The following COMMD1 variants were observed in gnomAD, a reference collection of about 807,000 sequenced individuals.
COMMD1 encodes copper metabolism domain containing 1.
Under a neutral mutation model 17.2 loss-of-function variants are expected in COMMD1, and 10 were observed. The ratio of observed to expected loss-of-function variants is 0.58; its 90% CI spans 0.36 to 0.99. COMMD1 has a LOEUF of 0.99. Among genes scored for constraint, COMMD1 ranks in the 50% least tolerant of loss-of-function variants. COMMD1 has a pLI of 0.01. For synonymous variants in COMMD1, 97 were observed against 91.6 expected, an observed-to-expected ratio of 1.06 and a Z score of -0.34; for missense variants, 270 against 231.8, an observed-to-expected ratio of 1.17 and a Z score of -1.07.
At chr2:62,026,674 A>T (rs759786850) in intron 2 of COMMD1, among the ~76,000 whole-genome samples, 5 of 152,192 alleles carry the variant, frequency 3.3e-5, no homozygotes, top group Non-Finnish European at 7.3e-5. Context: ...TGACATTGTC[A>T]CAAAAGGTAT....
At chr2:62,023,366 C>T (rs971423087) in intron 2 of COMMD1, among the ~76,000 whole-genome samples, 4 of 151,884 alleles carry the variant, frequency 2.6e-5, no homozygotes, top group African/African-American at 9.7e-5. Context: ...AACTTAAATC[C>T]AAAACAAAGA....
chr2:62,085,189 G>A (rs917504657), intron 2 of COMMD1, among the ~76,000 whole-genome samples: 2 of 151,476 alleles, frequency 1.3e-5, no homozygotes, highest in Non-Finnish European at 2.9e-5. Context: ...CACAGTTGCT[G>A]TTTTAGAACT....
chr2:61,897,315 G>A (rs1348819120), intron 1 of COMMD1, among the ~76,000 whole-genome samples: 1 of 152,104 alleles, frequency 6.6e-6, no homozygotes, highest in Non-Finnish European at 1.5e-5. Context: ...GGCTCAAACT[G>A]CTTCTTTGGG....
At chr2:62,119,018 A>C (rs1033643730) in intron 2 of COMMD1, 7 of 152,228 alleles carry the variant, frequency 4.6e-5, no homozygotes, top group Non-Finnish European at 7.3e-5. Context: ...TCCAACTCCC[A>C]GTACCTCAGA....
At chr2:62,079,361 C>T (rs1189566642) in intron 2 of COMMD1, among the ~76,000 whole-genome samples, 2 of 152,182 alleles carry the variant, frequency 1.3e-5, no homozygotes, top group African/African-American at 4.8e-5. Flanking sequence ...TTCTTAATTA[C>T]TGTATTTTGC....
chr2:62,060,472 T>C (rs935224601), intron 2 of COMMD1, among the ~76,000 whole-genome samples: 4 of 152,246 alleles, frequency 2.6e-5, no homozygotes, highest in Admixed American at 1.3e-4. Context: ...ATTTCAATAT[T>C]ATAACTTTTG....
chr2:62,017,679 G>GA lies in COMMD1; in HGVS notation c.462+16707dup, dbSNP rs112202987. Among the ~76,000 whole-genome samples, 1,237 of 142,054 alleles carry GA rather than the reference G, an allele frequency of 8.7e-3. 18 individuals carry two copies. Among genetic ancestry groups the GA allele is most frequent in the African/African-American group, 0.029 (1,136 of 38,670 alleles). The allele number at this position is 142,054 out of a possible 152,430, so 93.2% of individuals were successfully genotyped here. A position where few individuals can be genotyped will look rare whatever the true frequency, so the allele number is the denominator to read the frequency against. On this transcript the variant is annotated intron_variant, in intron 2 of 2. Coordinates refer to ENST00000311832, the MANE Select transcript of COMMD1 (RefSeq NM_152516.4). ...GAGTGAGACCCTGTCTCCAAAAAAA[G>GA]AAAAAAAAAAGAAAAATGAAGGTAT...
At chr2:62,114,473 T>C (rs1290845436) in intron 2 of COMMD1, among the ~76,000 whole-genome samples, 1 of 152,264 alleles carries the variant, frequency 6.6e-6, no homozygotes, top group East Asian at 1.9e-4. Flanking sequence ...TTTTCAGTGT[T>C]ATTTTTGAAT....
Position 62,136,045 on chromosome 2 carries a change from C to A in COMMD1, c.*104C>A, listed in dbSNP as rs1673186467. The A allele has an allele frequency of 1.4e-6, 1 of 718,786 alleles. No individual in the cohort carries two copies. The highest frequency in any genetic ancestry group is 1.7e-5 in the African/African-American group (1 of 57,610). The allele number at this position is 718,786 out of a possible 1,614,324, so 44.5% of individuals were successfully genotyped here. A position where few individuals can be genotyped will look rare whatever the true frequency, so the allele number is the denominator to read the frequency against. ...TCTTGTGCCCGCATTGGTATTAAAT[C>A]CTCGCATTCAGTCTTCCTGCCTCTA... On this transcript the variant is annotated 3_prime_UTR_variant, in exon 3 of 3. Coordinates refer to ENST00000311832, the MANE Select transcript of COMMD1 (RefSeq NM_152516.4).
chr2:62,028,958 A>C (rs1186323268), intron 2 of COMMD1, among the ~76,000 whole-genome samples: 1 of 152,138 alleles, frequency 6.6e-6, no homozygotes, highest in Non-Finnish European at 1.5e-5. Context: ...AAAATAAAGG[A>C]AATTGGCTTC....
chr2:62,120,151 C>G (rs1299801514), intron 2 of COMMD1, among the ~76,000 whole-genome samples: 1 of 152,114 alleles, frequency 6.6e-6, no homozygotes, highest in African/African-American at 2.4e-5. Context: ...CAGGTGTGCG[C>G]CAGCACACTG....
intron 1 of COMMD1, among the ~76,000 whole-genome samples, chr2:61,999,963 G>A (rs931858328): frequency 7.4e-6 from 1 of 134,620 alleles, no homozygotes; most frequent in South Asian, 2.2e-4. Context: ...TTGCTCTGTC[G>A]CTCAGGCTGG....
At chr2:62,014,356 A>G (rs1669371025) in intron 2 of COMMD1, among the ~76,000 whole-genome samples, 1 of 151,960 alleles carries the variant, frequency 6.6e-6, no homozygotes, top group Non-Finnish European at 1.5e-5. Context: ...CCTGCCCAGC[A>G]GTGTTGAACT....
At chr2:62,011,121 CTT>C (rs1457267207) in intron 2 of COMMD1, among the ~76,000 whole-genome samples, 3 of 152,112 alleles carry the variant, frequency 2.0e-5, no homozygotes, top group African/African-American at 7.2e-5. Context: ...TCCTTAAAGT[CTT>C]TTGTTTTTTT....
chr2:61,908,621 C>T (rs1669831088), intron 1 of COMMD1, among the ~76,000 whole-genome samples: 3 of 151,792 alleles, frequency 2.0e-5, no homozygotes, highest in Admixed American at 1.3e-4. Context: ...AGTGCAGTGG[C>T]GTGATCTCAG....
At chr2:61,924,375 G>T (rs551022719) in intron 1 of COMMD1, among the ~76,000 whole-genome samples, 1 of 147,752 alleles carries the variant, frequency 6.8e-6, no homozygotes, top group Non-Finnish European at 1.5e-5. Context: ...ACTCAGAGTC[G>T]GAGGGGGGAT....
intron 2 of COMMD1, chr2:62,055,548 C>T: frequency 2.3e-6 from 1 of 434,730 alleles, no homozygotes; most frequent in South Asian, 1.6e-5. Context: ...ACATGGAGAC[C>T]AAGCACCCTG....
chr2:62,035,650 G>A (rs920463642), intron 2 of COMMD1, among the ~76,000 whole-genome samples: 9 of 151,136 alleles, frequency 6.0e-5, no homozygotes. Context: ...TGGGTGGGAG[G>A]ATCTCTTGAG....
chr2:62,027,317 TACC>T (rs1669785903), intron 2 of COMMD1, among the ~76,000 whole-genome samples: 3 of 152,250 alleles, frequency 2.0e-5, no homozygotes, highest in Non-Finnish European at 4.4e-5. Context: ...TTCTAATATT[TACC>T]ATCTCTGTGG....
Sources: gnomAD v4.1 joint callset for allele counts (sites outside exome capture counted in the v4.1 genomes callset) on GRCh38, gnomAD v4.1.1 for gene constraint, MANE v1.5 for transcripts, NCBI Gene and HGNC (gene_info 2026-07-23, HGNC 2026-07-21) for gene names.